Variants in MTA3 observed in about 807,000 individuals in gnomAD.
MTA3 encodes metastasis associated 1 family member 3.
A neutral mutation model predicts 83.5 loss-of-function variants in MTA3; 34 were observed. The observed-to-expected ratio is 0.41, with a 90% CI of 0.31 to 0.54. The LOEUF (loss-of-function observed/expected upper bound fraction) is 0.54, where lower values mean the gene tolerates loss of function less well. Among genes scored for constraint, MTA3 ranks in the 20% least tolerant of loss-of-function variants. The probability of loss-of-function intolerance (pLI) is 0.33; values close to 1 mark genes in which losing one functional copy is unlikely to be tolerated. For missense variants in MTA3, 761 were observed against 726.4 expected (o/e 1.05, Z -0.55); for synonymous variants, 303 against 252.7 (o/e 1.20, Z -1.89).
intron 1 of MTA3, chr2:42,569,503 A>G (rs1006293069): frequency 4.6e-5 from 7 of 152,216 alleles, no homozygotes; most frequent in Non-Finnish European, 8.8e-5. Flanking sequence ...AATAATTCAG[A>G]TAAGTGGCGT....
At chr2:42,716,006 C>T (rs1197345070) in intron 14 of MTA3, among the ~76,000 whole-genome samples, 2 of 152,198 alleles carry the variant, frequency 1.3e-5, no homozygotes, top group Non-Finnish European at 2.9e-5. Flanking sequence ...GTAGTGTTAA[C>T]TCAATGGTTT....
intron 2 of MTA3, among the ~76,000 whole-genome samples, chr2:42,509,771 A>G (rs1422629433): frequency 2.0e-5 from 3 of 152,064 alleles, no homozygotes; most frequent in Admixed American, 6.6e-5. Context: ...ACCCTGTCGC[A>G]AAAAACAAAA....
intron 14 of MTA3, 145 bp downstream of exon 14, chr2:42,709,241 T>G (rs547896227): frequency 1.4e-6 from 2 of 1,441,286 alleles, no homozygotes; most frequent in Non-Finnish European, 1.8e-6. Flanking sequence ...TTTTTTAACA[T>G]TGTTTTTGTG....
chr2:42,549,582 A>T (rs1425087532), intron 2 of MTA3, among the ~76,000 whole-genome samples: 11 of 116,414 alleles, frequency 9.4e-5, no homozygotes, highest in Admixed American at 4.3e-4. Flanking sequence ...TATAATATAT[A>T]ATATATTATA....
At chr2:42,596,939 C>G (rs1024828471) in intron 3 of MTA3, among the ~76,000 whole-genome samples, 2 of 151,964 alleles carry the variant, frequency 1.3e-5, no homozygotes, top group Non-Finnish European at 2.9e-5. Flanking sequence ...GAGTCTCGCT[C>G]TGTCGCCCAG....
At chr2:42,730,347 T>A (rs201557749) in intron 16 of MTA3, among the ~76,000 whole-genome samples, 6 of 152,250 alleles carry the variant, frequency 3.9e-5, no homozygotes, top group African/African-American at 1.2e-4. Context: ...ATACTAGCTA[T>A]GGATCTGTTA....
At chr2:42,606,189 C>G (rs1286697975) in intron 3 of MTA3, among the ~76,000 whole-genome samples, 1 of 39,192 alleles carries the variant, frequency 2.6e-5, no homozygotes, top group African/African-American at 2.0e-4. Context: ...GCTGGCCGGG[C>G]GGGGGGCTGA....
intron 2 of MTA3, among the ~76,000 whole-genome samples, chr2:42,544,654 T>C (rs997716261): frequency 3.3e-5 from 5 of 151,816 alleles, no homozygotes; most frequent in Admixed American, 3.3e-4. Flanking sequence ...CCCAAAGTGC[T>C]GGGATTACAG....
chr2:42,649,821 T>C (rs574242766), intron 6 of MTA3, among the ~76,000 whole-genome samples: 3 of 152,336 alleles, frequency 2.0e-5, no homozygotes, highest in African/African-American at 4.8e-5. Context: ...CTGCATTCGA[T>C]TTTTAATTTA....
At chr2:42,684,435 C>G (rs913908759) in intron 9 of MTA3, among the ~76,000 whole-genome samples, 4 of 152,114 alleles carry the variant, frequency 2.6e-5, no homozygotes, top group African/African-American at 9.7e-5. Flanking sequence ...GTTCTTCTGG[C>G]AAAACTTCAC....
In MTA3 at chr2:42,756,146, G is replaced by A. The variant is rs550342806; in HGVS notation, c.*2747G>A. ...AGGTGGGGAACAACAACAGCAAGCCGCCCCCATCCTGAGACTGGCTGGGCA... is the reference window on the plus strand; with the variant it reads ...AGGTGGGGAACAACAACAGCAAGCCACCCCCATCCTGAGACTGGCTGGGCA... On this transcript the variant is annotated 3_prime_UTR_variant, in exon 17 of 17. Transcript: ENST00000405094. 2.7e-5 allele frequency: 13 copies of A among 477,342 alleles called. No homozygotes were observed. In the South Asian group the frequency reaches 7.0e-4, roughly 26 times the overall value. 29.6% of individuals were successfully genotyped at this position (477,342 alleles called of 1,614,324 possible).
At chr2:42,699,945 G>T (rs1349242898) in intron 11 of MTA3, among the ~76,000 whole-genome samples, 4 of 152,102 alleles carry the variant, frequency 2.6e-5, no homozygotes, top group Non-Finnish European at 5.9e-5. Flanking sequence ...AATAAATCCA[G>T]TATTTATAGA....
intron 16 of MTA3, among the ~76,000 whole-genome samples, chr2:42,729,366 G>A (rs1668092277): frequency 6.6e-6 from 1 of 152,056 alleles, no homozygotes; most frequent in Non-Finnish European, 1.5e-5. Flanking sequence ...CTCCCAAAGT[G>A]CTGGGATTAC....
rs1165988263 is a variant in MTA3, at chr2:42,756,055, A to G, written c.*2656A>G. 2.0e-6 allele frequency: 2 copies of G among 976,766 alleles called. No individual in the cohort carries two copies. Among genetic ancestry groups the G allele is most frequent in the Non-Finnish European group, 2.4e-6 (2 of 822,166 alleles). 60.5% of individuals were successfully genotyped at this position (976,766 alleles called of 1,614,324 possible). A position where few individuals can be genotyped will look rare whatever the true frequency, so the allele number is the denominator to read the frequency against. ...GGATTTCAAGTGGGGGTTTTCATCC[A>G]GAGATTTGTTTAACACAAAACAAGA... On this transcript the variant is annotated 3_prime_UTR_variant, in exon 17 of 17. Coordinates refer to ENST00000405094, the MANE Select transcript of MTA3 (RefSeq NM_001330442.2).
At chr2:42,738,223 C>T (rs1668750759) in intron 16 of MTA3, among the ~76,000 whole-genome samples, 2 of 152,156 alleles carry the variant, frequency 1.3e-5, no homozygotes, top group Admixed American at 6.5e-5. Context: ...GATTGCACCA[C>T]TGGACAAGGC....
chr2:42,504,691 C>G (rs1315691958), intron 2 of MTA3, among the ~76,000 whole-genome samples: 1 of 149,128 alleles, frequency 6.7e-6, no homozygotes, highest in African/African-American at 2.5e-5. Flanking sequence ...GAGATGTGGT[C>G]TCCCTGTGTT....
intron 2 of MTA3, among the ~76,000 whole-genome samples, chr2:42,504,960 G>A (rs1240537215): frequency 6.6e-6 from 1 of 152,144 alleles, no homozygotes; most frequent in South Asian, 2.1e-4. Flanking sequence ...GGACTGGGAT[G>A]ACCCTTCTCC....
chr2:42,636,827 G>A (rs183568543), intron 4 of MTA3, among the ~76,000 whole-genome samples: 6 of 151,884 alleles, frequency 4.0e-5, no homozygotes, highest in Admixed American at 1.3e-4. Context: ...GGGCTTCACC[G>A]TATTGGCCAG....
intron 3 of MTA3, among the ~76,000 whole-genome samples, chr2:42,606,796 CACTGAGTGAACGAG>C (rs1683482867): frequency 2.6e-5 from 4 of 151,188 alleles, no homozygotes; most frequent in Admixed American, 2.6e-4. Flanking sequence ...CACCATTGAG[CACTGAGTGAACGAG>C]ACTCCGTCTG....
Sources: gnomAD v4.1 joint callset for allele counts (sites outside exome capture counted in the v4.1 genomes callset) on GRCh38, gnomAD v4.1.1 for gene constraint, MANE v1.5 for transcripts, NCBI Gene and HGNC (gene_info 2026-07-23, HGNC 2026-07-21) for gene names.